The following ST13 variants were observed in gnomAD, a reference collection of about 807,000 sequenced individuals.
The protein encoded by ST13 is hsc70-interacting protein.
A neutral mutation model predicts 56.7 loss-of-function variants in ST13; 23 were observed. The observed-to-expected ratio is 0.41, with a 90% CI of 0.29 to 0.57. ST13 has a LOEUF of 0.57. Among genes scored for constraint, ST13 ranks in the 20% least tolerant of loss-of-function variants. The pLI, the probability that ST13 is intolerant of heterozygous loss-of-function variation, is 0.36. For missense variants in ST13, 369 were observed against 459.9 expected, an observed-to-expected ratio of 0.80 and a Z score of 1.81; for synonymous variants, 132 against 142.4, an observed-to-expected ratio of 0.93 and a Z score of 0.52.
chr22:40,837,382 G>A lies in ST13; in HGVS notation c.383-1495C>T, dbSNP rs544295157. Among the ~76,000 whole-genome samples, 10 of 152,260 alleles carry A rather than the reference G, an allele frequency of 6.6e-5. No homozygotes were observed. The South Asian group carries it at 1.7e-3, about 25-fold the overall frequency. On this transcript the variant is annotated intron_variant, in intron 5 of 11. Transcript: ENST00000216218. ...TGTAATCTCAGCACTTTGGGAGGCCGAGGCAGGTGGATCACCTGAGGTCGG... is the reference window on the plus strand; with the variant it reads ...TGTAATCTCAGCACTTTGGGAGGCCAAGGCAGGTGGATCACCTGAGGTCGG...
At chr22:40,840,505 A>C (rs1232996542) in intron 5 of ST13, 121 bp downstream of exon 5, 2 of 785,384 alleles carry the variant, frequency 2.5e-6, no homozygotes, top group African/African-American at 3.6e-5. Context: ...ACTGGATAAT[A>C]GGACACTATC....
At chr22:40,840,717 T>C (rs1024913647) in intron 4 of ST13, 25 bp from the exon 5 acceptor site, 1 of 1,585,030 alleles carries the variant, frequency 6.3e-7, no homozygotes, top group Non-Finnish European at 8.6e-7. Flanking sequence ...AAAATCATCT[T>C]AGAATTAGTA....
intron 4 of ST13, among the ~76,000 whole-genome samples, chr22:40,840,937 C>T (rs575581166): frequency 4.7e-4 from 71 of 152,122 alleles, no homozygotes; most frequent in Non-Finnish European, 8.1e-4. Flanking sequence ...CTTAACCTTC[C>T]GTCCCAACCA....
intron 10 of ST13, among the ~76,000 whole-genome samples, chr22:40,829,254 C>CA (rs2057742832): frequency 6.6e-6 from 1 of 151,992 alleles, no homozygotes; most frequent in African/African-American, 2.4e-5. Flanking sequence ...GTTTAAAAAA[C>CA]AAAAAATTAA....
At chr22:40,847,955 G>C (rs575697221) in intron 3 of ST13, among the ~76,000 whole-genome samples, 1 of 152,044 alleles carries the variant, frequency 6.6e-6, no homozygotes, top group Non-Finnish European at 1.5e-5. Context: ...GCTCAGGCAG[G>C]AGAATGGCTT....
Position 40,856,519 on chromosome 22 carries a change from C to G in ST13, c.22G>C (p.Glu8Gln), listed in dbSNP as rs200761410. The G allele has an allele frequency of 6.2e-7, 1 of 1,612,740 alleles. No individual in the cohort carries two copies. Among genetic ancestry groups the G allele is most frequent in the Admixed American group, 1.7e-5 (1 of 60,016 alleles). Residue 8 changes from glutamate (E) to glutamine (Q), a missense_variant, in exon 1 of 12, where the codon GAG becomes CAG. Glu to Gln is a conservative substitution (Grantham distance 29). Around this residue, in one of 3 missense-constraint regions of ST13, gnomAD observed 169 missense variants for 175.6 expected, o/e 0.96. Transcript: ENST00000216218. The part of the protein sequence containing the change: MDPRKVN[E>Q]LRAFVKMCKQ... Reference sequence around the variant, plus strand: ...CACATTTTCACAAAGGCCCGAAGCTCGTTCACTTTGCGGGGGTCCATGGTA... The same window carrying G: ...CACATTTTCACAAAGGCCCGAAGCTGGTTCACTTTGCGGGGGTCCATGGTA...
At chr22:40,854,846 A>C (rs988698793) in intron 1 of ST13, among the ~76,000 whole-genome samples, 1 of 152,234 alleles carries the variant, frequency 6.6e-6, no homozygotes, top group Non-Finnish European at 1.5e-5. Context: ...TGTTCAATAG[A>C]GAAAACGACT....
chr22:40,845,719 T>A (rs563269817), intron 3 of ST13, among the ~76,000 whole-genome samples: 19 of 148,544 alleles, frequency 1.3e-4, no homozygotes, highest in Admixed American at 8.6e-4. Context: ...AAAACGAGTT[T>A]TATATATATA....
intron 5 of ST13, among the ~76,000 whole-genome samples, chr22:40,837,559 T>A: frequency 6.6e-6 from 1 of 152,144 alleles, no homozygotes; most frequent in East Asian, 1.9e-4. Context: ...GGCAGGAGAA[T>A]CGCTTGAACC....
chr22:40,847,648 T>G (rs772766741), intron 3 of ST13, among the ~76,000 whole-genome samples: 3 of 152,148 alleles, frequency 2.0e-5, no homozygotes, highest in Non-Finnish European at 2.9e-5. Context: ...TTATGAAGTC[T>G]GATTTATTAT....
rs765161156 is a variant in ST13 at position 40,826,187 on chromosome 22, A to G, written c.*351T>C. ...CACTCAGAGCAGTAATCTTCCATAC[A>G]TAAGTATATTCCCTGCCAATAATTC... On this transcript the variant is annotated 3_prime_UTR_variant, in exon 12 of 12. Transcript: ENST00000216218. 44 of 165,398 alleles carry G rather than the reference A, an allele frequency of 2.7e-4. No homozygotes were observed. Among genetic ancestry groups the G allele is most frequent in the Non-Finnish European group, 3.4e-4 (26 of 76,302 alleles). The allele number at this position is 165,398 out of a possible 1,614,324, so 10.2% of individuals were successfully genotyped here. A position where few individuals can be genotyped will look rare whatever the true frequency, so the allele number is the denominator to read the frequency against.
Position 40,845,455 on chromosome 22 carries a change from G to A in ST13, c.245-546C>T, listed in dbSNP as rs571980411. ...ACTAGGATTCCAAGCATGAGCCACT[G>A]CACCTGGTCCCTAATTATTTTCATT... On this transcript the variant is annotated intron_variant, in intron 3 of 11. Transcript: ENST00000216218. Among the ~76,000 whole-genome samples the A allele has an allele frequency of 1.2e-4, 19 of 152,150 alleles. No homozygotes were observed. In the East Asian group the frequency reaches 2.1e-3, roughly 17 times the overall value.
chr22:40,849,634 C>G (rs1446305585), intron 2 of ST13, among the ~76,000 whole-genome samples: 3 of 151,716 alleles, frequency 2.0e-5, no homozygotes, highest in Non-Finnish European at 4.4e-5. Flanking sequence ...GTTTTTCTTA[C>G]AAAAAATTTT....
intron 1 of ST13, among the ~76,000 whole-genome samples, chr22:40,853,233 A>C (rs2145752920): frequency 6.6e-6 from 1 of 152,330 alleles, no homozygotes; most frequent in South Asian, 2.1e-4. Context: ...CTTTGTAGGA[A>C]GTACACACTC....
intron 7 of ST13, 60 bp from the exon 8 acceptor site, chr22:40,832,731 A>T (rs563278593): frequency 8.0e-7 from 1 of 1,257,844 alleles, no homozygotes; most frequent in Non-Finnish European, 1.1e-6. Context: ...ATGTGGCATG[A>T]TATCTTTCTT....
At chr22:40,841,956 T>C (rs1458095091) in intron 4 of ST13, among the ~76,000 whole-genome samples, 1 of 152,196 alleles carries the variant, frequency 6.6e-6, no homozygotes, top group East Asian at 1.9e-4. Context: ...AGGAAGAGAA[T>C]GTATGTGGTC....
intron 5 of ST13, among the ~76,000 whole-genome samples, chr22:40,838,564 C>T (rs915474043): frequency 1.3e-4 from 20 of 149,558 alleles, no homozygotes; most frequent in South Asian, 1.3e-3. Context: ...GAGTTCAAGA[C>T]GAGCCTGGGC....
chr22:40,850,786 CT>C, intron 2 of ST13, 36 bp downstream of exon 2: 1 of 1,511,148 alleles, frequency 6.6e-7, no homozygotes, highest in Middle Eastern at 2.2e-4. Context: ...TCTTATAGTA[CT>C]TTATCACAAA....
At chr22:40,853,495 T>C (rs1361877258) in intron 1 of ST13, among the ~76,000 whole-genome samples, 1 of 152,246 alleles carries the variant, frequency 6.6e-6, no homozygotes, top group East Asian at 1.9e-4. Flanking sequence ...AACAAGCTAC[T>C]TTCTGGCCAA....
Sources: gnomAD v4.1 joint callset for allele counts (sites outside exome capture counted in the v4.1 genomes callset) on GRCh38, gnomAD v4.1.1 for gene constraint, gnomAD v4.1.1 regional missense constraint, MANE v1.5 for transcripts, NCBI Gene and HGNC (gene_info 2026-07-23, HGNC 2026-07-21) for gene names.